The following ROBO1 variants were observed in gnomAD, a reference collection of about 807,000 sequenced individuals.
The protein encoded by ROBO1 is roundabout guidance receptor 1.
ROBO1 carries 149 observed loss-of-function variants against 195.9 expected under a neutral mutation model. The ratio of observed to expected loss-of-function variants is 0.76; its 90% CI spans 0.67 to 0.87. ROBO1 has a LOEUF of 0.87. ROBO1 is among the 40% of genes least tolerant of loss of function. The pLI, the probability that ROBO1 is intolerant of heterozygous loss-of-function variation, is 0.00. For missense variants in ROBO1, 1,933 were observed against 2,068.3 expected (o/e 0.93, Z 1.27); for synonymous variants, 816 against 733.2 (o/e 1.11, Z -1.82).
At chr3:79,332,606 C>A (rs1030892216) in intron 2 of ROBO1, among the ~76,000 whole-genome samples, 8 of 152,194 alleles carry the variant, frequency 5.3e-5, no homozygotes, top group African/African-American at 1.9e-4. Flanking sequence ...GGCACTCAGT[C>A]AACAGTTGTT....
At chr3:78,680,660 G>A (rs368505629) in intron 10 of ROBO1, among the ~76,000 whole-genome samples, 1,963 of 142,886 alleles carry the variant, frequency 0.014, 12 homozygotes, top group African/African-American at 0.03. Context: ...TTAGAATGGC[G>A]ATCATTAAAA....
rs761939623 is a variant in ROBO1 at position 78,647,702 on chromosome 3, G to A, written c.2813-47C>T. 9 of 1,479,988 alleles carry A rather than the reference G, an allele frequency of 6.1e-6. No homozygotes were observed. In the African/African-American group the frequency reaches 1.2e-4, roughly 21 times the overall value. 91.7% of individuals were successfully genotyped at this position (1,479,988 alleles called of 1,614,324 possible). A position where few individuals can be genotyped will look rare whatever the true frequency, so the allele number is the denominator to read the frequency against. On this transcript the variant is annotated intron_variant, in intron 19 of 30. Coordinates refer to ENST00000464233, the MANE Select transcript of ROBO1 (RefSeq NM_002941.4). ...TAAACCAGTTATTAAGCTGAAGAGA[G>A]AAAGGGAACATATCACATTAGTATA... is the stretch of plus-strand genomic sequence containing the variant.
intron 4 of ROBO1, among the ~76,000 whole-genome samples, chr3:78,755,362 T>G (rs540328243): frequency 1.1e-4 from 17 of 152,236 alleles, no homozygotes; most frequent in Non-Finnish European, 1.5e-4. Context: ...TGGTTCTGGC[T>G]AGTGGGGAGA....
At chr3:79,153,262 C>A (rs1042097640) in intron 2 of ROBO1, among the ~76,000 whole-genome samples, 3 of 151,776 alleles carry the variant, frequency 2.0e-5, no homozygotes, top group Middle Eastern at 3.4e-3. Flanking sequence ...GTCGCTTAAC[C>A]CTATCTTTAT....
At chr3:79,275,768 A>C (rs1020376530) in intron 2 of ROBO1, among the ~76,000 whole-genome samples, 3 of 152,044 alleles carry the variant, frequency 2.0e-5, no homozygotes, top group African/African-American at 7.2e-5. Flanking sequence ...GAACTGAAAA[A>C]CAAATTCAGT....
chr3:79,154,499 A>T (rs1395927029), intron 2 of ROBO1, among the ~76,000 whole-genome samples: 1 of 151,780 alleles, frequency 6.6e-6, no homozygotes, highest in East Asian at 1.9e-4. Flanking sequence ...CTTGAGACTG[A>T]TCAAAGTCTA....
intron 2 of ROBO1, among the ~76,000 whole-genome samples, chr3:79,279,544 T>C (rs1187232033): frequency 6.6e-6 from 1 of 152,116 alleles, no homozygotes; most frequent in African/African-American, 2.4e-5. Context: ...ACAGCTACTA[T>C]AAAGGTTCCT....
intron 4 of ROBO1, among the ~76,000 whole-genome samples, chr3:78,795,596 T>A (rs1472524919): frequency 6.6e-6 from 1 of 152,226 alleles, no homozygotes; most frequent in African/African-American, 2.4e-5. Flanking sequence ...ACGGTAAACA[T>A]GAAGATGATT....
chr3:78,964,924 T>C (rs1290281828), intron 3 of ROBO1, among the ~76,000 whole-genome samples: 3 of 151,056 alleles, frequency 2.0e-5, no homozygotes, highest in African/African-American at 7.3e-5. Context: ...GCTAAAGTGA[T>C]CCCCCCGTGC....
chr3:79,249,197 C>T (rs767956680), intron 2 of ROBO1, among the ~76,000 whole-genome samples: 3 of 152,102 alleles, frequency 2.0e-5, no homozygotes, highest in Non-Finnish European at 4.4e-5. Context: ...TTGACCAATA[C>T]GTGTAACCTT....
At chr3:79,193,280 G>A (rs1307537996) in intron 2 of ROBO1, among the ~76,000 whole-genome samples, 1 of 151,650 alleles carries the variant, frequency 6.6e-6, no homozygotes, top group Non-Finnish European at 1.5e-5. Context: ...GTCTTTGAAT[G>A]TGTGGATGAC....
intron 4 of ROBO1, among the ~76,000 whole-genome samples, chr3:78,889,464 G>A (rs2036757007): frequency 6.6e-6 from 1 of 152,178 alleles, no homozygotes; most frequent in Admixed American, 6.5e-5. Flanking sequence ...GTGCGTAAGG[G>A]TACACTCATA....
intron 5 of ROBO1, among the ~76,000 whole-genome samples, chr3:78,732,865 T>A (rs1357288615): frequency 6.6e-6 from 1 of 152,170 alleles, no homozygotes; most frequent in Admixed American, 6.5e-5. Flanking sequence ...AAAGCCTGTT[T>A]CTAATGCAAT....
At chr3:78,639,369 A>G (rs886580258) in intron 22 of ROBO1, among the ~76,000 whole-genome samples, 1 of 152,116 alleles carries the variant, frequency 6.6e-6, no homozygotes, top group Non-Finnish European at 1.5e-5. Flanking sequence ...AGGCTGAGGC[A>G]TGAGAATCAC....
intron 8 of ROBO1, among the ~76,000 whole-genome samples, chr3:78,695,967 T>A (rs1274696627): frequency 6.6e-6 from 1 of 152,048 alleles, no homozygotes; most frequent in Non-Finnish European, 1.5e-5. Flanking sequence ...AAAGAATAAA[T>A]TATAGGAATT....
rs575917340 is a variant in ROBO1, at chr3:79,247,129, G to GTTTTTTTTTTTTTT, written c.89-121591_89-121590insAAAAAAAAAAAAAA. Among the ~76,000 whole-genome samples, 26 of 134,796 alleles carry GTTTTTTTTTTTTTT rather than the reference G, an allele frequency of 1.9e-4. 1 individual carries two copies. The highest frequency in any genetic ancestry group is 5.8e-4 in the African/African-American group (21 of 36,150). The allele number at this position is 134,796 out of a possible 152,430, so 88.4% of individuals were successfully genotyped here. On this transcript the variant is annotated intron_variant, in intron 2 of 30. Coordinates refer to ENST00000464233, the MANE Select transcript of ROBO1 (RefSeq NM_002941.4). ...AAAAGCATTAAGGCTCCTGTTTACTGTTTTTTTTTTTTTGTAAGAAGTATA... is the reference window on the plus strand; with the variant it reads ...AAAAGCATTAAGGCTCCTGTTTACTGTTTTTTTTTTTTTTTTTTTTTTTTTTTGTAAGAAGTATA...
intron 2 of ROBO1, among the ~76,000 whole-genome samples, chr3:79,518,925 C>A (rs1941075180): frequency 6.6e-6 from 1 of 151,944 alleles, no homozygotes; most frequent in Non-Finnish European, 1.5e-5. Context: ...AGTGATCCAC[C>A]CGCCTCAGCC....
At chr3:78,733,222 A>G (rs1448207853) in intron 5 of ROBO1, among the ~76,000 whole-genome samples, 1 of 152,178 alleles carries the variant, frequency 6.6e-6, no homozygotes, top group Non-Finnish European at 1.5e-5. Context: ...ATCTTCACCA[A>G]TTGCAAGTAA....
chr3:79,575,575 T>C (rs1943459233), intron 2 of ROBO1, among the ~76,000 whole-genome samples: 1 of 139,470 alleles, frequency 7.2e-6, no homozygotes, highest in Non-Finnish European at 1.5e-5. Flanking sequence ...TAAATATATA[T>C]AACAAATTTT....
Sources: gnomAD v4.1 joint callset for allele counts (sites outside exome capture counted in the v4.1 genomes callset) on GRCh38, gnomAD v4.1.1 for gene constraint, MANE v1.5 for transcripts, NCBI Gene and HGNC (gene_info 2026-07-23, HGNC 2026-07-21) for gene names.